SLC14A2: variants seen among roughly 807,000 people sequenced by gnomAD.
SLC14A2 encodes the protein urea transporter 2.
SLC14A2 carries 91 observed loss-of-function variants against 104.6 expected under a neutral mutation model. That is an observed-to-expected ratio of 0.87 (90% CI 0.73 to 1.04). SLC14A2 has a LOEUF of 1.04. Ranked by LOEUF, SLC14A2 falls within the 50% of genes least tolerant of loss-of-function variation. SLC14A2 has a pLI of 0.00. For missense variants in SLC14A2, 1,189 were observed against 1,156.0 expected, an observed-to-expected ratio of 1.03 and a Z score of -0.41; for synonymous variants, 476 against 466.4, an observed-to-expected ratio of 1.02 and a Z score of -0.27.
At chr18:45,622,759 C>T (rs2045194937) in intron 1 of SLC14A2, among the ~76,000 whole-genome samples, 1 of 152,034 alleles carries the variant, frequency 6.6e-6, no homozygotes, top group African/African-American at 2.4e-5. Context: ...ACTGAGCAGC[C>T]TGGTGGGATG....
chr18:45,244,045 G>A (rs2084344718), intron 1 of SLC14A2, among the ~76,000 whole-genome samples: 1 of 152,122 alleles, frequency 6.6e-6, no homozygotes, highest in Non-Finnish European at 1.5e-5. Flanking sequence ...ATTCATGGGA[G>A]CTTACCAAAC....
At chr18:45,384,737 C>T (rs2085876103) in intron 1 of SLC14A2, among the ~76,000 whole-genome samples, 1 of 152,022 alleles carries the variant, frequency 6.6e-6, no homozygotes, top group Admixed American at 6.5e-5. Flanking sequence ...TCTCATGTTG[C>T]AAGTGGAAAG....
intron 1 of SLC14A2, among the ~76,000 whole-genome samples, chr18:45,413,949 G>A (rs1159664114): frequency 1.3e-5 from 2 of 151,700 alleles, no homozygotes; most frequent in Non-Finnish European, 1.5e-5. Context: ...TACTAATAGA[G>A]CGTAAAAAAA....
intron 1 of SLC14A2, among the ~76,000 whole-genome samples, chr18:45,346,114 A>G (rs1461546621): frequency 2.0e-5 from 3 of 152,188 alleles, no homozygotes; most frequent in Non-Finnish European, 4.4e-5. Context: ...TTTCTCTTCT[A>G]TGAATTGACT....
chr18:45,523,669 CCT>C (rs902711711), intron 2 of SLC14A2, among the ~76,000 whole-genome samples: 7 of 152,148 alleles, frequency 4.6e-5, no homozygotes, highest in African/African-American at 7.2e-5. Context: ...CGAAATCTCC[CCT>C]GTCTTTGGAG....
At chr18:45,649,540 T>C (rs1255604284) in intron 10 of SLC14A2, among the ~76,000 whole-genome samples, 1 of 152,272 alleles carries the variant, frequency 6.6e-6, no homozygotes, top group Non-Finnish European at 1.5e-5. Context: ...TTACATTTTA[T>C]TACACTTTCC....
intron 2 of SLC14A2, among the ~76,000 whole-genome samples, chr18:45,540,586 T>C (rs2043870539): frequency 6.6e-6 from 1 of 151,840 alleles, no homozygotes; most frequent in Non-Finnish European, 1.5e-5. Context: ...CTACTAAAAA[T>C]ACAAAAAAAT....
chr18:45,574,582 C>A (rs2044394443), intron 2 of SLC14A2, among the ~76,000 whole-genome samples: 1 of 152,158 alleles, frequency 6.6e-6, no homozygotes, highest in Admixed American at 6.5e-5. Context: ...TTGCACAGAC[C>A]CTCTCCTAAC....
At chr18:45,632,265 T>G in intron 4 of SLC14A2, 85 bp from the exon 5 acceptor site, 1 of 1,498,938 alleles carries the variant, frequency 6.7e-7, no homozygotes, top group Non-Finnish European at 9.0e-7. Context: ...ATCATCTAAA[T>G]TAAGCATATC....
chr18:45,276,852 C>A (rs989721822), intron 1 of SLC14A2, among the ~76,000 whole-genome samples: 2 of 152,390 alleles, frequency 1.3e-5, no homozygotes, highest in South Asian at 4.1e-4. Flanking sequence ...CGACTTTCCA[C>A]TGTAGCCCTG....
chr18:45,309,635 G>A (rs1240129275), intron 1 of SLC14A2, among the ~76,000 whole-genome samples: 5 of 152,032 alleles, frequency 3.3e-5, no homozygotes, highest in East Asian at 1.9e-4. Context: ...CATGGTATAC[G>A]ACTTTGTGAT....
intron 1 of SLC14A2, among the ~76,000 whole-genome samples, chr18:45,368,807 G>A (rs2085692560): frequency 6.6e-6 from 1 of 152,162 alleles, no homozygotes; most frequent in Admixed American, 6.5e-5. Flanking sequence ...AATTGGTCCT[G>A]TTGGACACTG....
chr18:45,663,809 C>T lies in SLC14A2; in HGVS notation c.1376C>T (p.Thr459Ile), dbSNP rs1230644823. 6.2e-7 allele frequency: 1 copy of T among 1,612,982 alleles called. No individual in the cohort carries two copies. Residue 459 changes from threonine to isoleucine, a missense_variant, in exon 11 of 20, where the codon ACA becomes ATA. Thr to Ile is a moderately conservative substitution (Grantham distance 89). Transcript: ENST00000255226. ...GGAGGCGGTGGGGAGCATCCACCCA[C>T]AGCAGGCCCAAAGGTGGAGGAGGGC... ...PSGGGGEHPPTAGPKVEEGSE... is the reference protein window; with the variant it reads ...PSGGGGEHPPIAGPKVEEGSE...
the SLC14A2 span, among the ~76,000 whole-genome samples, chr18:45,194,144 A>T: frequency 6.6e-6 from 1 of 152,356 alleles, no homozygotes; most frequent in African/African-American, 2.4e-5. Context: ...TCATCAGTGA[A>T]TAAAGATATT....
At chr18:45,491,826 A>T (rs1337493190) in intron 2 of SLC14A2, among the ~76,000 whole-genome samples, 1 of 152,230 alleles carries the variant, frequency 6.6e-6, no homozygotes, top group Admixed American at 6.5e-5. Context: ...ATTTGTGGAA[A>T]GAGCACTGCT....
In SLC14A2 at chr18:45,407,105, A is replaced by G. The variant is rs189801403; in HGVS notation, c.-124-76128A>G. On this transcript the variant is annotated intron_variant, in intron 1 of 20. Transcript: ENST00000586448. ...TTGACTTCTCCTCCTGAGCTATGAA[A>G]GTCCTAGATGGCATCTTCTCCCAAT... Among the ~76,000 whole-genome samples the G allele has an allele frequency of 6.6e-3, 1,012 of 152,314 alleles. 9 individuals carry two copies. Among genetic ancestry groups the G allele is most frequent in the African/African-American group, 0.023 (956 of 41,578 alleles).
chr18:45,198,572 T>G, the SLC14A2 span, among the ~76,000 whole-genome samples: 33 of 152,308 alleles, frequency 2.2e-4, no homozygotes, highest in African/African-American at 7.7e-4. Flanking sequence ...TATATACTTT[T>G]GCTTTACTTC....
the SLC14A2 span, among the ~76,000 whole-genome samples, chr18:45,180,567 C>T: frequency 1.3e-5 from 2 of 151,800 alleles, no homozygotes; most frequent in Non-Finnish European, 2.9e-5. Context: ...TTAAGAATTG[C>T]AAAAAGAATA....
intron 1 of SLC14A2, among the ~76,000 whole-genome samples, chr18:45,275,921 CAG>C (rs1470464074): frequency 5.3e-5 from 8 of 152,120 alleles, no homozygotes; most frequent in African/African-American, 1.7e-4. Context: ...CAGGTTAAAA[CAG>C]AGAATTAAAG....
Sources: gnomAD v4.1 joint callset for allele counts (sites outside exome capture counted in the v4.1 genomes callset) on GRCh38, gnomAD v4.1.1 for gene constraint, MANE v1.5 for transcripts, NCBI Gene and HGNC (gene_info 2026-07-23, HGNC 2026-07-21) for gene names.